Variants in EVC observed in about 807,000 individuals in gnomAD.
The protein encoded by EVC is evC complex member EVC.
A neutral mutation model predicts 118.9 loss-of-function variants in EVC; 116 were observed. The observed-to-expected ratio is 0.98, with a 90% CI of 0.84 to 1.14. EVC has a LOEUF of 1.14. Ranked by LOEUF, EVC falls within the 50% of genes most tolerant of loss-of-function variation. The pLI, the probability that EVC is intolerant of heterozygous loss-of-function variation, is 0.00. For missense variants in EVC, 1,401 were observed against 1,246.4 expected (o/e 1.12, Z -1.87); for synonymous variants, 619 against 534.7 (o/e 1.16, Z -2.18).
At chr4:5,828,507 G>A in the EVC span, 31 of 1,614,112 alleles carry the variant, frequency 1.9e-5, no homozygotes, top group African/African-American at 2.1e-4. Context: ...TGATTTTGAC[G>A]CGCTGGTACA....
the EVC span, chr4:5,826,359 G>C: frequency 5.2e-5 from 8 of 152,926 alleles, no homozygotes; most frequent in African/African-American, 1.4e-4. Flanking sequence ...AAAGGGGGAA[G>C]GAGTGGGGAG....
At chr4:5,729,851 A>T (rs1421985287) in intron 3 of EVC, among the ~76,000 whole-genome samples, 1 of 152,166 alleles carries the variant, frequency 6.6e-6, no homozygotes, top group Non-Finnish European at 1.5e-5. Flanking sequence ...CTTTACACGT[A>T]AGGAAACTGA....
At chr4:5,804,297 CAAG>C (rs1715501202) in intron 16 of EVC, among the ~76,000 whole-genome samples, 1 of 152,176 alleles carries the variant, frequency 6.6e-6, no homozygotes, top group African/African-American at 2.4e-5. Context: ...AACCTGCAAA[CAAG>C]AAGGAGCTCC....
intron 13 of EVC, among the ~76,000 whole-genome samples, chr4:5,794,351 ATATT>A (rs1469522301): frequency 7.0e-6 from 1 of 142,666 alleles, no homozygotes; most frequent in African/African-American, 2.5e-5. Flanking sequence ...ACTTATATAT[ATATT>A]TATGTATTTA....
intron 11 of EVC, among the ~76,000 whole-genome samples, chr4:5,768,695 A>G (rs1050658439): frequency 4.6e-5 from 7 of 151,974 alleles, no homozygotes; most frequent in Admixed American, 3.9e-4. Flanking sequence ...CATCTCTACT[A>G]AAAATACAAA....
chr4:5,821,710 T>TG, the EVC span: 1 of 1,514,732 alleles, frequency 6.6e-7, no homozygotes. This position sits in a 1 kb window ranked among gnomAD's most constrained non-coding sequence, Gnocchi z 4.4. Flanking sequence ...GGAAAAGGGA[T>TG]GGACATGATT....
At chr4:5,781,862 C>T (rs554576914) in intron 11 of EVC, among the ~76,000 whole-genome samples, 15 of 152,026 alleles carry the variant, frequency 9.9e-5, no homozygotes, top group Non-Finnish European at 2.1e-4. Context: ...CACAATGAAA[C>T]ATGCAATGAG....
intron 2 of EVC, among the ~76,000 whole-genome samples, chr4:5,721,643 A>G (rs1405046939): frequency 1.3e-5 from 2 of 152,142 alleles, no homozygotes; most frequent in Non-Finnish European, 2.9e-5. Flanking sequence ...TGAGGCGGGC[A>G]GACACTTAAG....
At chr4:5,744,089 G>C (rs1225602999) in intron 6 of EVC, among the ~76,000 whole-genome samples, 2 of 152,156 alleles carry the variant, frequency 1.3e-5, no homozygotes, top group Admixed American at 1.3e-4. Flanking sequence ...CTAGCCAAGT[G>C]ATTTAAATGC....
chr4:5,777,998 C>G (rs547891892), intron 11 of EVC, among the ~76,000 whole-genome samples: 2 of 148,562 alleles, frequency 1.3e-5, no homozygotes, highest in African/African-American at 5.0e-5. Flanking sequence ...CTCCCCCTAC[C>G]CCACAACAGT....
rs1190108071 is a variant in EVC at position 5,743,445 on chromosome 4, T to G, written c.801+1631T>G. 6.6e-6 allele frequency among the ~76,000 whole-genome samples: 1 copy of G among 152,206 alleles called. No individual in the cohort carries two copies. On this transcript the variant is annotated intron_variant, in intron 6 of 20. Transcript: ENST00000264956. This position sits in a 1 kb window ranked among gnomAD's most constrained non-coding sequence, Gnocchi z 4.7. ...GTCATCATTTTCATTACTGCCATCG[T>G]CATCGCATCATTGTTGTGATAGTCT... is the stretch of plus-strand genomic sequence containing the variant.
In EVC at chr4:5,798,700, C is replaced by A; in HGVS notation, c.2212C>A (p.Gln738Lys). Residue 738 changes from glutamine (Q) to lysine (K), a missense_variant, in exon 15 of 21, where the codon CAG becomes AAG. Physicochemically the swap from Gln to Lys is moderately conservative, Grantham distance 53. Transcript: ENST00000264956. This position sits in a 1 kb window ranked among gnomAD's most constrained non-coding sequence, Gnocchi z 4.1. ...CCAGGAGGTGGGGCAGCTTCTGCAG[C>A]AGCACATGGAGTGCGCCATTGGGCA... ...EAQEVGQLLQ[Q>K]HMECAIGQAL... is the part of the protein sequence containing the mutation. 1 of 1,609,060 alleles carries A rather than the reference C, an allele frequency of 6.2e-7. No homozygotes were observed. The highest frequency in any genetic ancestry group is 8.5e-7 in the Non-Finnish European group (1 of 1,179,206).
At chr4:5,753,257 C>T (rs1485133919) in intron 9 of EVC, among the ~76,000 whole-genome samples, 1 of 152,204 alleles carries the variant, frequency 6.6e-6, no homozygotes. Context: ...CCATGAGGGC[C>T]ACTGCCCAGG....
chr4:5,752,970 G>T lies in EVC; in HGVS notation c.1233G>T (p.Gly411=). ...GCCTGGAGCTGCTGGCTGGTGAGGG[G>T]AAGCTGTCCGGGCGGCAGAAGGAGG... The part of the protein sequence containing the change: ...SHGLELLAGE[G]KLSGRQKEEL... The change falls in exon 9 of 21, where the codon GGG becomes GGT. Residue 411 remains glycine, a synonymous_variant. Coordinates refer to ENST00000264956, the MANE Select transcript of EVC (RefSeq NM_153717.3). The T allele has an allele frequency of 6.2e-7, 1 of 1,613,916 alleles. No homozygotes were observed. Among genetic ancestry groups the T allele is most frequent in the Non-Finnish European group, 8.5e-7 (1 of 1,179,956 alleles).
At chr4:5,770,701 AG>A (rs1293725689) in intron 11 of EVC, among the ~76,000 whole-genome samples, 1 of 152,198 alleles carries the variant, frequency 6.6e-6, no homozygotes, top group Non-Finnish European at 1.5e-5. Flanking sequence ...TACACAAATC[AG>A]TCAATCAGTT....
chr4:5,745,833 G>A (rs1053950345), intron 7 of EVC, among the ~76,000 whole-genome samples: 2 of 152,176 alleles, frequency 1.3e-5, no homozygotes, highest in African/African-American at 4.8e-5. Context: ...GGGCACTGGG[G>A]ACTCAAAAAT....
At chr4:5,722,417 GC>G (rs1364533203) in intron 2 of EVC, among the ~76,000 whole-genome samples, 12 of 152,196 alleles carry the variant, frequency 7.9e-5, no homozygotes, top group Non-Finnish European at 1.5e-4. Context: ...TTGTCAGAAT[GC>G]TTTTGCTTTC....
rs984084367 is a variant in EVC, at chr4:5,738,678, C to T, written c.703-3038C>T. 8.6e-5 allele frequency among the ~76,000 whole-genome samples: 13 copies of T among 151,782 alleles called. No individual in the cohort carries two copies. The highest frequency in any genetic ancestry group is 1.5e-4 in the Non-Finnish European group (10 of 67,954). On this transcript the variant is annotated intron_variant, in intron 5 of 20. Coordinates refer to ENST00000264956, the MANE Select transcript of EVC (RefSeq NM_153717.3). The surrounding 1 kb of genome is among the most constrained non-coding windows in gnomAD (Gnocchi z 6.5). ...GCCTCCCAGATTCAAGTGATTCTCCCGCCTCAGCCTCCCGAGCAGCTGGGA... is the reference window on the plus strand; with the variant it reads ...GCCTCCCAGATTCAAGTGATTCTCCTGCCTCAGCCTCCCGAGCAGCTGGGA...
chr4:5,724,334 G>A (rs1400409447), intron 2 of EVC, among the ~76,000 whole-genome samples: 1 of 152,188 alleles, frequency 6.6e-6, no homozygotes, highest in Non-Finnish European at 1.5e-5. Flanking sequence ...GGTTGGATGT[G>A]GGGACTTGGG....
Sources: gnomAD v4.1 joint callset for allele counts (sites outside exome capture counted in the v4.1 genomes callset) on GRCh38, gnomAD v4.1.1 for gene constraint, Gnocchi (gnomAD v3.1) non-coding constraint, MANE v1.5 for transcripts, NCBI Gene and HGNC (gene_info 2026-07-23, HGNC 2026-07-21) for gene names.